Variants in ADAM22 observed in about 807,000 individuals in gnomAD.
The protein encoded by ADAM22 is ADAM metallopeptidase domain 22, also known as disintegrin and metalloproteinase domain-containing protein 22.
In ADAM22, 65 loss-of-function variants were observed where a neutral mutation model predicts 144.6. The observed-to-expected ratio is 0.45, with a 90% CI of 0.37 to 0.55. The LOEUF is 0.55. ADAM22 is among the 20% of genes least tolerant of loss of function. ADAM22 has a pLI of 0.00. For missense variants in ADAM22, 974 were observed against 1,184.9 expected (o/e 0.82, Z 2.61); for synonymous variants, 391 against 412.6 (o/e 0.95, Z 0.63).
At chr7:88,119,810 T>A (rs1054342992) in intron 7 of ADAM22, among the ~76,000 whole-genome samples, 2 of 152,210 alleles carry the variant, frequency 1.3e-5, no homozygotes, top group African/African-American at 4.8e-5. Context: ...TTTTAACTTA[T>A]TAAGTTGATG....
chr7:88,183,679 A>C (rs868680534), intron 29 of ADAM22, among the ~76,000 whole-genome samples: 37 of 152,012 alleles, frequency 2.4e-4, no homozygotes, highest in African/African-American at 8.7e-4. Flanking sequence ...ATGAGGGAGA[A>C]GTATTAAGGA....
intron 23 of ADAM22, among the ~76,000 whole-genome samples, chr7:88,164,958 C>T (rs1842618310): frequency 6.6e-6 from 1 of 151,996 alleles, no homozygotes; most frequent in Non-Finnish European, 1.5e-5. Context: ...CTTTTTCGTT[C>T]TGCCTATTTG....
At chr7:88,155,514 C>T (rs1184755590) in intron 21 of ADAM22, among the ~76,000 whole-genome samples, 4 of 147,744 alleles carry the variant, frequency 2.7e-5, no homozygotes, top group Non-Finnish European at 6.0e-5. Flanking sequence ...AGAGTAAGAC[C>T]CTGACTCTAA....
chr7:88,118,884 G>A (rs1055203264), intron 7 of ADAM22, among the ~76,000 whole-genome samples: 2 of 152,014 alleles, frequency 1.3e-5, no homozygotes, highest in Non-Finnish European at 2.9e-5. Context: ...GATTTACTGT[G>A]ATAAATGAGA....
At chr7:88,008,812 G>T (rs1435707614) in intron 3 of ADAM22, among the ~76,000 whole-genome samples, 1 of 151,382 alleles carries the variant, frequency 6.6e-6, no homozygotes, top group Non-Finnish European at 1.5e-5. Flanking sequence ...CGAGTTAATG[G>T]GTGCAGCACA....
At chr7:88,045,693 C>T (rs1804464239) in intron 3 of ADAM22, among the ~76,000 whole-genome samples, 1 of 152,312 alleles carries the variant, frequency 6.6e-6, no homozygotes, top group East Asian at 1.9e-4. Flanking sequence ...ACCCTCCTCA[C>T]TTCCTCCAGA....
At chr7:87,971,853 G>C (rs1850520905) in intron 2 of ADAM22, among the ~76,000 whole-genome samples, 1 of 152,216 alleles carries the variant, frequency 6.6e-6, no homozygotes, top group African/African-American at 2.4e-5. Flanking sequence ...TAGCAACTCA[G>C]TGTAGTTCAT....
At chr7:88,117,434 G>A (rs1423490081) in intron 7 of ADAM22, among the ~76,000 whole-genome samples, 1 of 152,214 alleles carries the variant, frequency 6.6e-6, no homozygotes, top group Non-Finnish European at 1.5e-5. Flanking sequence ...ATTTTAGGTT[G>A]AATAAATGGA....
At chr7:87,968,425 C>T (rs191924666) in intron 2 of ADAM22, among the ~76,000 whole-genome samples, 3 of 152,132 alleles carry the variant, frequency 2.0e-5, no homozygotes, top group Admixed American at 6.6e-5. Context: ...GTAATCCCAA[C>T]GAATCAGGAG....
chr7:88,076,419 G>C (rs1009445989), intron 4 of ADAM22, among the ~76,000 whole-genome samples: 3 of 152,112 alleles, frequency 2.0e-5, no homozygotes, highest in Non-Finnish European at 4.4e-5. Context: ...TGCCTTTAAT[G>C]TTACCCCTGA....
In ADAM22 at chr7:88,114,795, G is replaced by C. The variant is rs186195402; in HGVS notation, c.537+148G>C. 58 of 680,756 alleles carry C rather than the reference G, an allele frequency of 8.5e-5. No individual in the cohort carries two copies. In the African/African-American group the frequency reaches 1.0e-3, roughly 12 times the overall value. 42.2% of individuals were successfully genotyped at this position (680,756 alleles called of 1,614,324 possible). Reference sequence around the variant, plus strand: ...TATGTACAGATGCTCCTCAACTTATGATGGGTCTATGTCCTGATAAACCTA... The same window carrying C: ...TATGTACAGATGCTCCTCAACTTATCATGGGTCTATGTCCTGATAAACCTA... On this transcript the variant is annotated intron_variant, in intron 6 of 31. Transcript: ENST00000413139.
At chr7:88,024,394 A>G (rs1798510722) in intron 3 of ADAM22, among the ~76,000 whole-genome samples, 1 of 152,156 alleles carries the variant, frequency 6.6e-6, no homozygotes, top group South Asian at 2.1e-4. Flanking sequence ...AACTGGGGTG[A>G]GATGATACCT....
chr7:88,005,845 T>C (rs1793695762), intron 3 of ADAM22, among the ~76,000 whole-genome samples: 1 of 151,930 alleles, frequency 6.6e-6, no homozygotes, highest in Non-Finnish European at 1.5e-5. Flanking sequence ...TTATAACTAA[T>C]GAAAAAAGAA....
intron 4 of ADAM22, among the ~76,000 whole-genome samples, chr7:88,078,390 A>T (rs997950153): frequency 6.6e-6 from 1 of 152,218 alleles, no homozygotes; most frequent in Non-Finnish European, 1.5e-5. Context: ...AACCACAAAG[A>T]TGGGGAAAAA....
intron 3 of ADAM22, among the ~76,000 whole-genome samples, chr7:88,034,638 G>A (rs1801072634): frequency 6.6e-6 from 1 of 152,148 alleles, no homozygotes; most frequent in Non-Finnish European, 1.5e-5. Context: ...GGCTTAGACT[G>A]TCTTTCAGGT....
intron 30 of ADAM22, among the ~76,000 whole-genome samples, chr7:88,192,735 T>C (rs1430491330): frequency 1.3e-5 from 2 of 152,202 alleles, no homozygotes; most frequent in Non-Finnish European, 2.9e-5. Flanking sequence ...TAAACATTTT[T>C]ACATTAAGTG....
At chr7:87,980,676 TTATC>T (rs1853158123) in intron 3 of ADAM22, among the ~76,000 whole-genome samples, 1 of 152,180 alleles carries the variant, frequency 6.6e-6, no homozygotes, top group African/African-American at 2.4e-5. Flanking sequence ...GTAAATAAAA[TTATC>T]TATAAGTAGA....
chr7:88,181,095 A>G (rs1275277351), intron 27 of ADAM22, among the ~76,000 whole-genome samples: 1 of 152,158 alleles, frequency 6.6e-6, no homozygotes, highest in Non-Finnish European at 1.5e-5. Context: ...TTGGAAGTCC[A>G]TGTTCTCATA....
At chr7:88,092,088 G>A (rs2129485045) in intron 4 of ADAM22, among the ~76,000 whole-genome samples, 1 of 152,174 alleles carries the variant, frequency 6.6e-6, no homozygotes, top group East Asian at 1.9e-4. Flanking sequence ...TTTGAAATAT[G>A]TTACTGTCTT....
Sources: gnomAD v4.1 joint callset for allele counts (sites outside exome capture counted in the v4.1 genomes callset) on GRCh38, gnomAD v4.1.1 for gene constraint, MANE v1.5 for transcripts, NCBI Gene and HGNC (gene_info 2026-07-23, HGNC 2026-07-21) for gene names.